Variants in NCKAP1L observed in about 807,000 individuals in gnomAD.
The protein encoded by NCKAP1L is NCK associated protein 1 like.
A neutral mutation model predicts 139.2 loss-of-function variants in NCKAP1L; 53 were observed. The ratio of observed to expected loss-of-function variants is 0.38; its 90% CI spans 0.31 to 0.48. The LOEUF (loss-of-function observed/expected upper bound fraction) is 0.48, where lower values mean the gene tolerates loss of function less well. NCKAP1L is among the 20% of genes least tolerant of loss of function. The probability of loss-of-function intolerance (pLI) is 0.98; values close to 1 mark genes in which losing one functional copy is unlikely to be tolerated. For synonymous variants in NCKAP1L, 468 were observed against 499.7 expected (o/e 0.94, Z 0.85); for missense variants, 1,151 against 1,381.9 (o/e 0.83, Z 2.65).
intron 27 of NCKAP1L, among the ~76,000 whole-genome samples, chr12:54,535,824 A>G (rs943626529): frequency 6.6e-6 from 1 of 151,944 alleles, no homozygotes; most frequent in Non-Finnish European, 1.5e-5. Flanking sequence ...CTGCCTCTCC[A>G]TCCTATCAGG....
chr12:54,535,244 C>T, intron 27 of NCKAP1L, 47 bp downstream of exon 27: 3 of 1,446,210 alleles, frequency 2.1e-6, no homozygotes, highest in Non-Finnish European at 2.9e-6. Flanking sequence ...AGGGCTTGGG[C>T]CTTATTTTGG....
At chr12:54,523,743 C>G in intron 19 of NCKAP1L, 82 bp from the exon 20 acceptor site, 2 of 1,531,176 alleles carry the variant, frequency 1.3e-6, no homozygotes, top group East Asian at 4.5e-5. Context: ...TCCCTAGAAA[C>G]TGGGTCATGG....
chr12:54,506,987 A>G (rs1043202981), intron 3 of NCKAP1L, among the ~76,000 whole-genome samples: 1 of 151,426 alleles, frequency 6.6e-6, no homozygotes, highest in African/African-American at 2.4e-5. Flanking sequence ...TTCATGCTCT[A>G]GGAGATAACT....
chr12:54,526,445 T>A, intron 20 of NCKAP1L, 83 bp from the exon 21 acceptor site: 1 of 1,111,112 alleles, frequency 9.0e-7, no homozygotes, highest in Non-Finnish European at 1.3e-6. Flanking sequence ...GCACAGCACC[T>A]GGAACACAAT....
chr12:54,505,297 C>A (rs2120881060), intron 3 of NCKAP1L, among the ~76,000 whole-genome samples: 1 of 152,280 alleles, frequency 6.6e-6, no homozygotes, highest in Non-Finnish European at 1.5e-5. Flanking sequence ...GTTTCCTTAT[C>A]TGTTAATTTA....
chr12:54,518,888 C>T (rs764192436), intron 14 of NCKAP1L, 26 bp from the exon 15 acceptor site: 1 of 1,606,414 alleles, frequency 6.2e-7, no homozygotes, highest in Non-Finnish European at 8.5e-7. Flanking sequence ...TTATTGTTTC[C>T]TTTTATACTT....
In NCKAP1L at chr12:54,520,704, C is replaced by T. The variant is rs367688748; in HGVS notation, c.1636C>T (p.Arg546Cys). ...CCCGTTTCTCTGCAGCTTTCATCTT[C>T]GTATCTTTGAGAAGATGTTTGCCAT... ...SDLSTFCFHLRIFEKMFAMTL... is the reference protein window; with the variant it reads ...SDLSTFCFHLCIFEKMFAMTL... The change falls in exon 17 of 31, where the codon CGT becomes TGT. Residue 546 changes from arginine (R) to cysteine (C), a missense_variant. Physicochemically the swap from Arg to Cys is radical, Grantham distance 180. Transcript: ENST00000293373. The T allele has an allele frequency of 1.9e-4, 301 of 1,614,048 alleles. No homozygotes were observed. The highest frequency in any genetic ancestry group is 2.3e-4 in the Non-Finnish European group (269 of 1,180,018).
At chr12:54,523,770 C>T (rs751168101) in intron 19 of NCKAP1L, 55 bp from the exon 20 acceptor site, 39 of 1,583,168 alleles carry the variant, frequency 2.5e-5, no homozygotes, top group Non-Finnish European at 3.3e-5. Flanking sequence ...CACGTCCTTC[C>T]TAGACATTAG....
intron 30 of NCKAP1L, among the ~76,000 whole-genome samples, chr12:54,541,289 C>A (rs1592355551): frequency 6.6e-6 from 1 of 152,240 alleles, no homozygotes; most frequent in African/African-American, 2.4e-5. Context: ...GGGACTAGAA[C>A]CCAAGTTTCT....
chr12:54,541,115 T>C (rs898921664), intron 30 of NCKAP1L, among the ~76,000 whole-genome samples: 2 of 152,240 alleles, frequency 1.3e-5, no homozygotes, highest in Admixed American at 6.5e-5. Context: ...ACAGGTTTCC[T>C]GGGGAAAGAC....
intron 17 of NCKAP1L, 138 bp downstream of exon 17, chr12:54,520,964 C>G: frequency 1.4e-6 from 2 of 1,473,640 alleles, no homozygotes; most frequent in South Asian, 2.4e-5. Context: ...AATATCTCAG[C>G]TTGATGTATC....
At chr12:54,519,436 T>TC in intron 16 of NCKAP1L, 104 bp downstream of exon 16, 1 of 974,262 alleles carries the variant, frequency 1.0e-6, no homozygotes, top group Non-Finnish European at 1.4e-6. Flanking sequence ...TTAATTTTTT[T>TC]TTTTTTTTTT....
Position 54,535,096 on chromosome 12 carries a change from C to T in NCKAP1L, c.2863-8C>T. 3 of 1,611,252 alleles carry T rather than the reference C, an allele frequency of 1.9e-6. No homozygotes were observed. The highest frequency in any genetic ancestry group is 2.5e-6 in the Non-Finnish European group (3 of 1,178,194). ...ATCCTCTCTAGAATGTTATTTTCTT[C>T]TCTCCAGGTGACCTTGAGTATCTTT... On this transcript the variant is annotated splice_polypyrimidine_tract_variant and splice_region_variant and intron_variant, in intron 26 of 30. Coordinates refer to ENST00000293373, the MANE Select transcript of NCKAP1L (RefSeq NM_005337.5).
At chr12:54,508,652 G>A in intron 5 of NCKAP1L, 121 bp downstream of exon 5, 1 of 1,038,716 alleles carries the variant, frequency 9.6e-7, no homozygotes, top group Non-Finnish European at 1.4e-6. Flanking sequence ...AATCTACATT[G>A]ACCCAGGCAA....
rs770938032 is a variant in NCKAP1L, at chr12:54,531,293, A to G, written c.2540A>G (p.Tyr847Cys). ...MRALAELLGP[Y>C]GMKFLSENLM... ...GCCTTGGCAGAACTCCTGGGCCCCT[A>G]TGGCATGAAGTTCCTGAGTGAAAAC... The change falls in exon 23 of 31, where the codon TAT becomes TGT. Residue 847 changes from tyrosine (Y) to cysteine (C), a missense_variant. Tyr to Cys is a radical substitution (Grantham distance 194, BLOSUM62 -2). Coordinates refer to ENST00000293373, the MANE Select transcript of NCKAP1L (RefSeq NM_005337.5). 1.9e-5 allele frequency: 31 copies of G among 1,614,020 alleles called. No individual in the cohort carries two copies. The highest frequency in any genetic ancestry group is 2.4e-5 in the Non-Finnish European group (28 of 1,179,996).
In NCKAP1L at chr12:54,542,800, G is replaced by A; in HGVS notation, c.*115G>A. Reference sequence around the variant, plus strand: ...ATGGGGTGGGGTCACTAAGGAGAGAGGGTCAGGAGCCAGAGTTGATGAGCA... The same window carrying A: ...ATGGGGTGGGGTCACTAAGGAGAGAAGGTCAGGAGCCAGAGTTGATGAGCA... On this transcript the variant is annotated 3_prime_UTR_variant, in exon 31 of 31. Transcript: ENST00000293373. 1 of 698,058 alleles carries A rather than the reference G, an allele frequency of 1.4e-6. No individual in the cohort carries two copies. Among genetic ancestry groups the A allele is most frequent in the Non-Finnish European group, 2.5e-6 (1 of 399,008 alleles). The allele number at this position is 698,058 out of a possible 1,614,324, so 43.2% of individuals were successfully genotyped here.
At chr12:54,533,228 G>A (rs1460347481) in intron 26 of NCKAP1L, among the ~76,000 whole-genome samples, 3 of 152,166 alleles carry the variant, frequency 2.0e-5, no homozygotes, top group African/African-American at 7.2e-5. Context: ...GCTGTCAGGA[G>A]CTTGTCTAGC....
intron 9 of NCKAP1L, among the ~76,000 whole-genome samples, chr12:54,515,313 C>T (rs1956920921): frequency 6.6e-6 from 1 of 151,996 alleles, no homozygotes; most frequent in Non-Finnish European, 1.5e-5. Context: ...GTGATGAAGT[C>T]CCAATAATGT....
chr12:54,515,821 T>C (rs958059631), intron 9 of NCKAP1L, among the ~76,000 whole-genome samples: 4 of 152,144 alleles, frequency 2.6e-5, no homozygotes, highest in Admixed American at 1.3e-4. Context: ...AAGGTAGAGA[T>C]TGAGTAACTA....
Sources: allele counts gnomAD v4.1 joint callset (sites outside exome capture counted in the v4.1 genomes callset), GRCh38; gene constraint gnomAD v4.1.1; transcripts MANE v1.5; gene names NCBI Gene and HGNC (gene_info 2026-07-23, HGNC 2026-07-21).